ST18: variants seen among roughly 807,000 people sequenced by gnomAD.
ST18 encodes the protein suppression of tumorigenicity 18 protein.
In ST18, 50 loss-of-function variants were observed where a neutral mutation model predicts 110.0. That is an observed-to-expected ratio of 0.45 (90% CI 0.36 to 0.58). ST18 has a LOEUF of 0.58. Ranked by LOEUF, ST18 falls within the 20% of genes least tolerant of loss-of-function variation. ST18 has a pLI of 0.00. For synonymous variants in ST18, 461 were observed against 452.4 expected (o/e 1.02, Z -0.24); for missense variants, 1,306 against 1,280.1 (o/e 1.02, Z -0.31).
intron 2 of ST18, among the ~76,000 whole-genome samples, chr8:52,274,132 A>T (rs1391008861): frequency 6.6e-6 from 1 of 152,178 alleles, no homozygotes; most frequent in Admixed American, 6.5e-5. Flanking sequence ...GAACAGGCCA[A>T]CTGTTAATAG....
intron 8 of ST18, among the ~76,000 whole-genome samples, chr8:52,209,757 C>T (rs1217192355): frequency 3.0e-5 from 3 of 100,480 alleles, no homozygotes; most frequent in South Asian, 3.4e-4. Flanking sequence ...GCAACAAGAG[C>T]GAAACTCCAT....
chr8:52,214,424 C>A, intron 6 of ST18, 167 bp from the exon 7 acceptor site: 1 of 613,068 alleles, frequency 1.6e-6, no homozygotes. Flanking sequence ...CCACATACCA[C>A]CAGCTTTGGA....
At chr8:52,383,970 A>C (rs1321231322) in intron 2 of ST18, among the ~76,000 whole-genome samples, 2 of 151,302 alleles carry the variant, frequency 1.3e-5, no homozygotes, top group African/African-American at 4.9e-5. Flanking sequence ...CCGATCTCAA[A>C]CTCCTGGGCT....
In ST18 at chr8:52,137,404, A is replaced by T; in HGVS notation, c.2231+17T>A. The T allele has an allele frequency of 3.1e-6, 5 of 1,614,020 alleles. No homozygotes were observed. The highest frequency in any genetic ancestry group is 4.2e-6 in the Non-Finnish European group (5 of 1,179,902). On this transcript the variant is annotated intron_variant, in intron 18 of 25. Transcript: ENST00000689386. The stretch of plus-strand genomic sequence containing the variant: ...CAAGACCATGAAAATCTGACTGCAC[A>T]TGAGGTCATTGGGTACCTGCGATGA...
At chr8:52,253,915 C>A (rs1254435864) in intron 2 of ST18, among the ~76,000 whole-genome samples, 1 of 151,972 alleles carries the variant, frequency 6.6e-6, no homozygotes, top group African/African-American at 2.4e-5. Context: ...TTCTGAAATT[C>A]TTCTCAAAAC....
intron 8 of ST18, chr8:52,194,770 T>A (rs749614049): frequency 2.0e-5 from 3 of 152,186 alleles, no homozygotes; most frequent in African/African-American, 4.8e-5. Context: ...CAAGTAACCC[T>A]AACTGGTCCA....
At chr8:52,147,225 T>C (rs2057559323) in intron 16 of ST18, among the ~76,000 whole-genome samples, 1 of 152,326 alleles carries the variant, frequency 6.6e-6, no homozygotes, top group South Asian at 2.1e-4. Context: ...GTCCCAGATA[T>C]ATATGCATGA....
chr8:52,136,480 C>G, intron 19 of ST18, 110 bp downstream of exon 19: 3 of 1,062,584 alleles, frequency 2.8e-6, no homozygotes, highest in African/African-American at 1.6e-5. Context: ...GTGATCCTGG[C>G]AGGCAGGACA....
At chr8:52,121,213 G>C (rs561439054) in intron 23 of ST18, among the ~76,000 whole-genome samples, 53 of 152,264 alleles carry the variant, frequency 3.5e-4, no homozygotes, top group African/African-American at 1.2e-3. Context: ...GGGGCTGTTT[G>C]GAAGATGCCT....
At chr8:52,293,829 T>C (rs1011995538) in intron 2 of ST18, among the ~76,000 whole-genome samples, 2 of 152,214 alleles carry the variant, frequency 1.3e-5, no homozygotes, top group African/African-American at 4.8e-5. Flanking sequence ...ACTACACCAA[T>C]GTTAGTAAAC....
At chr8:52,185,292 G>A (rs2071600658) in intron 8 of ST18, among the ~76,000 whole-genome samples, 1 of 152,170 alleles carries the variant, frequency 6.6e-6, no homozygotes, top group Non-Finnish European at 1.5e-5. Context: ...AATAAATAGA[G>A]AGATGCAAAG....
At chr8:52,398,849 G>T (rs181096990) in intron 2 of ST18, among the ~76,000 whole-genome samples, 1 of 152,014 alleles carries the variant, frequency 6.6e-6, no homozygotes, top group Non-Finnish European at 1.5e-5. Flanking sequence ...CTAATATTTT[G>T]TTGAGGATTT....
chr8:52,373,836 G>A (rs1017163420), intron 2 of ST18, among the ~76,000 whole-genome samples: 5 of 152,092 alleles, frequency 3.3e-5, no homozygotes, highest in Non-Finnish European at 7.4e-5. Flanking sequence ...GCACACATGA[G>A]CAAGGCTGGA....
intron 2 of ST18, among the ~76,000 whole-genome samples, chr8:52,354,996 T>C (rs537650880): frequency 1.1e-4 from 17 of 152,206 alleles, no homozygotes; most frequent in Non-Finnish European, 2.5e-4. Context: ...TAGAAGGCCA[T>C]GTTCAAAAGG....
chr8:52,389,106 A>G (rs1838263064), intron 2 of ST18, among the ~76,000 whole-genome samples: 1 of 152,084 alleles, frequency 6.6e-6, no homozygotes, highest in South Asian at 2.1e-4. Flanking sequence ...AGAGGAGGCG[A>G]GGCGAGCCTG....
intron 2 of ST18, among the ~76,000 whole-genome samples, chr8:52,374,902 A>G (rs1368537744): frequency 6.6e-6 from 1 of 152,174 alleles, no homozygotes; most frequent in Non-Finnish European, 1.5e-5. Flanking sequence ...CATCTTGTAT[A>G]TGTACCACAT....
chr8:52,200,591 C>G (rs1244262760), intron 8 of ST18, among the ~76,000 whole-genome samples: 1 of 152,134 alleles, frequency 6.6e-6, no homozygotes, highest in Non-Finnish European at 1.5e-5. Flanking sequence ...CTGACTGTCT[C>G]GTGGAGTGAA....
chr8:52,194,450 C>T (rs1035219220), intron 8 of ST18: 1 of 152,204 alleles, frequency 6.6e-6, no homozygotes, highest in Non-Finnish European at 1.5e-5. Context: ...GTTTCTTGCT[C>T]CTTTTTATAT....
At chr8:52,286,973 C>T (rs1051274997) in intron 2 of ST18, among the ~76,000 whole-genome samples, 7 of 151,976 alleles carry the variant, frequency 4.6e-5, no homozygotes, top group African/African-American at 1.5e-4. Flanking sequence ...AGTTTGAAAA[C>T]CACTGGTCTA....
Sources: allele counts gnomAD v4.1 joint callset (sites outside exome capture counted in the v4.1 genomes callset), GRCh38; gene constraint gnomAD v4.1.1; transcripts MANE v1.5; gene names NCBI Gene and HGNC (gene_info 2026-07-23, HGNC 2026-07-21).